The following BMPR1B variants were observed in gnomAD, a reference collection of about 807,000 sequenced individuals.
BMPR1B encodes bone morphogenetic protein receptor type 1B.
BMPR1B carries 12 observed loss-of-function variants against 59.1 expected under a neutral mutation model. The observed-to-expected ratio is 0.20, with a 90% CI of 0.13 to 0.33. The LOEUF is 0.33. BMPR1B is among the 10% of genes least tolerant of loss of function. The pLI, the probability that BMPR1B is intolerant of heterozygous loss-of-function variation, is 1.00. For synonymous variants in BMPR1B, 237 were observed against 207.3 expected (o/e 1.14, Z -1.23); for missense variants, 550 against 610.9 (o/e 0.90, Z 1.05).
intron 10 of BMPR1B, among the ~76,000 whole-genome samples, chr4:95,145,655 GAGAA>G (rs1386262732): frequency 6.6e-6 from 1 of 152,210 alleles, no homozygotes; most frequent in Non-Finnish European, 1.5e-5. Context: ...CTGAAAATCT[GAGAA>G]AGAAATGTAG....
chr4:95,077,637 T>TAA (rs980079505), intron 3 of BMPR1B, among the ~76,000 whole-genome samples: 2 of 152,178 alleles, frequency 1.3e-5, no homozygotes, highest in Non-Finnish European at 2.9e-5. Context: ...CTCTTCCTAT[T>TAA]AAAAGATGGT....
intron 3 of BMPR1B, among the ~76,000 whole-genome samples, chr4:95,095,836 A>G (rs969822772): frequency 1.3e-5 from 2 of 151,918 alleles, no homozygotes; most frequent in Non-Finnish European, 2.9e-5. Context: ...CCTTTTGACT[A>G]TGACATAAAA....
intron 3 of BMPR1B, among the ~76,000 whole-genome samples, chr4:95,003,580 G>T (rs1722604126): frequency 6.6e-6 from 1 of 152,030 alleles, no homozygotes; most frequent in African/African-American, 2.4e-5. Flanking sequence ...GAGAAATGAT[G>T]CATGAATAAC....
intron 7 of BMPR1B, 89 bp downstream of exon 7, chr4:95,123,995 C>A: frequency 1.2e-6 from 1 of 866,462 alleles, no homozygotes; most frequent in Non-Finnish European, 1.9e-6. Flanking sequence ...GTGTTTCTCA[C>A]CACAGCTTTA....
At chr4:94,832,155 T>G (rs184680573) in intron 1 of BMPR1B, among the ~76,000 whole-genome samples, 1 of 152,322 alleles carries the variant, frequency 6.6e-6, no homozygotes, top group Admixed American at 6.5e-5. Flanking sequence ...GAAAACTGTC[T>G]TCCATGAAAC....
At chr4:95,127,580 A>C (rs1329694397) in intron 8 of BMPR1B, among the ~76,000 whole-genome samples, 1 of 152,150 alleles carries the variant, frequency 6.6e-6, no homozygotes, top group Non-Finnish European at 1.5e-5. Context: ...AAATGTGGGA[A>C]GTTTCCTCTC....
intron 2 of BMPR1B, among the ~76,000 whole-genome samples, chr4:94,893,617 G>A (rs1210795446): frequency 6.6e-6 from 1 of 152,004 alleles, no homozygotes. Context: ...ATCAGTGAGA[G>A]AGAAATGTTC....
At chr4:95,011,500 C>T (rs943708704) in intron 3 of BMPR1B, among the ~76,000 whole-genome samples, 2 of 152,056 alleles carry the variant, frequency 1.3e-5, no homozygotes, top group Non-Finnish European at 2.9e-5. Flanking sequence ...TGGCTGCTGT[C>T]GCTCTAGCTG....
At chr4:94,899,094 A>G (rs1305547140) in intron 2 of BMPR1B, among the ~76,000 whole-genome samples, 1 of 151,970 alleles carries the variant, frequency 6.6e-6, no homozygotes, top group East Asian at 1.9e-4. Context: ...GGCTGCTGGC[A>G]TTCCTTGGCT....
chr4:95,017,790 T>C (rs927206467), intron 3 of BMPR1B, among the ~76,000 whole-genome samples: 4 of 152,206 alleles, frequency 2.6e-5, no homozygotes, highest in Non-Finnish European at 5.9e-5. Context: ...TATATATCTT[T>C]TTCTAATGCA....
At chr4:95,115,603 AG>A (rs1176378022) in intron 5 of BMPR1B, 81 bp from the exon 6 acceptor site, 2 of 1,149,384 alleles carry the variant, frequency 1.7e-6, no homozygotes, top group African/African-American at 3.0e-5. Context: ...TTCTCTAAAT[AG>A]TGACTATTTT....
intron 3 of BMPR1B, among the ~76,000 whole-genome samples, chr4:95,087,723 C>A (rs1183248936): frequency 6.6e-6 from 1 of 151,794 alleles, no homozygotes; most frequent in Admixed American, 6.6e-5. Flanking sequence ...CAGAGTGGGA[C>A]CCTGTCTCAA....
intron 1 of BMPR1B, among the ~76,000 whole-genome samples, chr4:94,831,587 G>A (rs760862988): frequency 2.6e-5 from 4 of 151,834 alleles, no homozygotes; most frequent in Non-Finnish European, 4.4e-5. Flanking sequence ...CATTTTTTAT[G>A]GTACAGTTTT....
At chr4:94,951,740 C>A (rs1301632705) in intron 2 of BMPR1B, among the ~76,000 whole-genome samples, 1 of 152,058 alleles carries the variant, frequency 6.6e-6, no homozygotes, top group African/African-American at 2.4e-5. Flanking sequence ...GTGTCTCTAC[C>A]AGGTTTTGGT....
chr4:95,152,906 A>T (rs1735156685), intron 12 of BMPR1B, 133 bp downstream of exon 12: 1 of 1,142,064 alleles, frequency 8.8e-7, no homozygotes. Flanking sequence ...TCATTGCAGT[A>T]ATTTATATGA....
intron 8 of BMPR1B, among the ~76,000 whole-genome samples, chr4:95,128,607 A>G (rs1158619542): frequency 1.3e-5 from 2 of 152,206 alleles, no homozygotes; most frequent in African/African-American, 2.4e-5. Context: ...AATATTGTTC[A>G]GAGCTCTCTT....
At chr4:94,872,625 G>A (rs955967507) in intron 1 of BMPR1B, among the ~76,000 whole-genome samples, 2 of 152,182 alleles carry the variant, frequency 1.3e-5, no homozygotes, top group African/African-American at 4.8e-5. Context: ...GAGCATGCCT[G>A]TAGTCCCAGC....
At chr4:95,121,157 C>G (rs183667716) in intron 6 of BMPR1B, among the ~76,000 whole-genome samples, 315 of 152,234 alleles carry the variant, frequency 2.1e-3, no homozygotes, top group Non-Finnish European at 3.5e-3. Context: ...AGAGTCAAAT[C>G]AAGAACACAC....
intron 4 of BMPR1B, among the ~76,000 whole-genome samples, chr4:95,111,268 ATCTT>A (rs1217366932): frequency 2.0e-5 from 3 of 152,116 alleles, no homozygotes; most frequent in Non-Finnish European, 4.4e-5. Context: ...AGTTAAATGA[ATCTT>A]TATGAAGATC....
Sources: allele counts gnomAD v4.1 joint callset (sites outside exome capture counted in the v4.1 genomes callset), GRCh38; gene constraint gnomAD v4.1.1; transcripts MANE v1.5; gene names NCBI Gene and HGNC (gene_info 2026-07-23, HGNC 2026-07-21).